Variants in PDYN observed in about 807,000 individuals in gnomAD.
PDYN encodes the protein prodynorphin.
PDYN carries 5 observed loss-of-function variants against 11.4 expected under a neutral mutation model. The observed-to-expected ratio is 0.44, with a 90% confidence interval of 0.23 to 0.92. PDYN has a LOEUF of 0.92. Among genes scored for constraint, PDYN ranks in the 40% least tolerant of loss-of-function variants. The probability of loss-of-function intolerance (pLI) is 0.24; values close to 1 mark genes in which losing one functional copy is unlikely to be tolerated. For synonymous variants in PDYN, 132 were observed against 129.5 expected (o/e 1.02, Z -0.13); for missense variants, 337 against 317.3 (o/e 1.06, Z -0.47).
chr20:1,993,417 C>T (rs149232380), intron 1 of PDYN, among the ~76,000 whole-genome samples: 13 of 152,268 alleles, frequency 8.5e-5, no homozygotes, highest in African/African-American at 2.2e-4. Flanking sequence ...ATGAAAAGGC[C>T]GAACCTGGCC....
chr20:1,985,841 C>A (rs1051233470), intron 2 of PDYN, among the ~76,000 whole-genome samples: 2 of 152,258 alleles, frequency 1.3e-5, no homozygotes, highest in African/African-American at 2.4e-5. Flanking sequence ...ACAAAGCGGG[C>A]AGCTCATGTT....
chr20:1,984,154 C>G (rs1156461271), intron 2 of PDYN, among the ~76,000 whole-genome samples: 2 of 152,190 alleles, frequency 1.3e-5, no homozygotes, highest in Non-Finnish European at 2.9e-5. Flanking sequence ...CACGTCTTGT[C>G]TTTTTCTCTG....
chr20:1,984,052 C>T (rs180823623), intron 2 of PDYN, among the ~76,000 whole-genome samples: 96 of 152,306 alleles, frequency 6.3e-4, no homozygotes, highest in African/African-American at 2.3e-3. Flanking sequence ...GTGAGCTGCT[C>T]CTCCTTTCTA....
intron 2 of PDYN, among the ~76,000 whole-genome samples, chr20:1,988,140 T>C (rs1398146980): frequency 6.6e-6 from 1 of 152,200 alleles, no homozygotes; most frequent in Non-Finnish European, 1.5e-5. Context: ...ATTACTGCTT[T>C]GTACATATTA....
rs749158700 is a variant in PDYN at position 1,980,314 on chromosome 20, A to G, written c.*9T>C. 6.2e-7 allele frequency: 1 copy of G among 1,613,914 alleles called. No homozygotes were observed. Among genetic ancestry groups the G allele is most frequent in the African/African-American group, 1.3e-5 (1 of 74,898 alleles). ...GTTTCTCCTGACTCTACTCCATGAA[A>G]AGAGGTGCTTATGCATCAAAAAGCT... On this transcript the variant is annotated 3_prime_UTR_variant, in exon 4 of 4. Coordinates refer to ENST00000217305, the MANE Select transcript of PDYN (RefSeq NM_024411.5).
Position 1,980,049 on chromosome 20 carries a change from T to TGCTGCTGCTGCC in PDYN, c.*262_*273dup. On this transcript the variant is annotated 3_prime_UTR_variant, in exon 4 of 4. Transcript: ENST00000217305. The stretch of plus-strand genomic sequence containing the variant: ...AGGACAGATCACAAACTGCTGCTGC[T>TGCTGCTGCTGCC]GCTGCTGCTGCCGCTGCTGATAGTT... The TGCTGCTGCTGCC allele has an allele frequency of 2.0e-6, 1 of 510,364 alleles. No homozygotes were observed. The highest frequency in any genetic ancestry group is 2.0e-5 in the South Asian group (1 of 50,404). The allele number at this position is 510,364 out of a possible 1,614,324, so 31.6% of individuals were successfully genotyped here.
At chr20:1,989,941 G>C (rs1431947703) in intron 2 of PDYN, among the ~76,000 whole-genome samples, 1 of 152,136 alleles carries the variant, frequency 6.6e-6, no homozygotes, top group Non-Finnish European at 1.5e-5. Context: ...TACGGGGCAG[G>C]GGCTAATATT....
intron 2 of PDYN, 61 bp from the exon 3 acceptor site, chr20:1,983,164 T>C: frequency 7.0e-7 from 1 of 1,437,760 alleles, no homozygotes; most frequent in Non-Finnish European, 9.5e-7. Context: ...GACTGTGTTC[T>C]GAGCCCACAA....
At chr20:1,991,572 G>A (rs1027575216) in intron 2 of PDYN, among the ~76,000 whole-genome samples, 2 of 152,230 alleles carry the variant, frequency 1.3e-5, no homozygotes, top group African/African-American at 2.4e-5. Context: ...GCCTACCACA[G>A]TGGCCAGCTC....
In PDYN at chr20:1,978,838, A is replaced by C. The variant is rs902750083; in HGVS notation, c.*1485T>G. The C allele has an allele frequency of 1.3e-5, 2 of 152,242 alleles. No homozygotes were observed. Among genetic ancestry groups the C allele is most frequent in the African/African-American group, 4.8e-5 (2 of 41,456 alleles). The allele number at this position is 152,242 out of a possible 1,614,324, so 9.4% of individuals were successfully genotyped here. On this transcript the variant is annotated 3_prime_UTR_variant, in exon 4 of 4. Transcript: ENST00000217305. The stretch of plus-strand genomic sequence containing the variant: ...ATTAAAGGCTAAGCAAATTCCAAGT[A>C]AATTGCATAAATGGGATTTTTTTAA...
At chr20:1,987,183 T>C (rs571123800) in intron 2 of PDYN, among the ~76,000 whole-genome samples, 52 of 152,122 alleles carry the variant, frequency 3.4e-4, no homozygotes, top group African/African-American at 1.0e-3. Flanking sequence ...CCGGCTCTCA[T>C]AGGCCAAGGG....
chr20:1,984,580 A>C (rs978335603), intron 2 of PDYN, among the ~76,000 whole-genome samples: 1 of 152,212 alleles, frequency 6.6e-6, no homozygotes, highest in African/African-American at 2.4e-5. Context: ...CAGATGAATT[A>C]ATGCTTCATA....
At chr20:1,989,108 GT>G (rs1568544560) in intron 2 of PDYN, among the ~76,000 whole-genome samples, 1 of 152,192 alleles carries the variant, frequency 6.6e-6, no homozygotes, top group African/African-American at 2.4e-5. Context: ...GATTCTAATA[GT>G]TTTTAAGCTA....
chr20:1,980,024 A>G lies in PDYN; in HGVS notation c.*299T>C, dbSNP rs1484228441. 3 of 466,708 alleles carry G rather than the reference A, an allele frequency of 6.4e-6. No homozygotes were observed. The highest frequency in any genetic ancestry group is 4.1e-5 in the South Asian group (2 of 48,974). The allele number at this position is 466,708 out of a possible 1,614,324, so 28.9% of individuals were successfully genotyped here. The stretch of plus-strand genomic sequence containing the variant: ...TGAGGAGTCACGTGAACAGGTTGGA[A>G]GGACAGATCACAAACTGCTGCTGCT... On this transcript the variant is annotated 3_prime_UTR_variant, in exon 4 of 4. Coordinates refer to ENST00000217305, the MANE Select transcript of PDYN (RefSeq NM_024411.5).
chr20:1,980,748 T>C lies in PDYN; in HGVS notation c.340A>G (p.Ser114Gly). 1 of 1,614,190 alleles carries C rather than the reference T, an allele frequency of 6.2e-7. No individual in the cohort carries two copies. The highest frequency in any genetic ancestry group is 8.5e-7 in the Non-Finnish European group (1 of 1,180,036). ...AGAGTGTTCTCCTTTGTTGAGATAC[T>C]TGGGAGAAACTTGCTTTTCTCCAGC... ...KELEKSKFLP[S>G]ISTKENTLSK... is the part of the protein sequence containing the mutation. Residue 114 changes from serine (S) to glycine (G), a missense_variant, in exon 4 of 4, where the codon AGT (serine) becomes GGT (glycine). By Grantham distance (56) the Ser-to-Gly change is moderately conservative (BLOSUM62 0). Coordinates refer to ENST00000217305, the MANE Select transcript of PDYN (RefSeq NM_024411.5).
chr20:1,992,864 G>C (rs1176581131), intron 1 of PDYN, among the ~76,000 whole-genome samples: 1 of 152,158 alleles, frequency 6.6e-6, no homozygotes, highest in African/African-American at 2.4e-5. Flanking sequence ...GAAGAAAGAT[G>C]ATAATGAAGA....
chr20:1,982,784 C>G lies in PDYN; in HGVS notation c.129+172G>C, dbSNP rs185606430. 2.4e-4 allele frequency among the ~76,000 whole-genome samples: 37 copies of G among 152,318 alleles called. No individual in the cohort carries two copies. The East Asian group carries it at 6.8e-3, about 28-fold the overall frequency. Reference sequence around the variant, plus strand: ...GATGGCGAGGTCTGGAGTGGGGACACAGCAGCCCCTGGTGTCCAGGCCATC... The same window carrying G: ...GATGGCGAGGTCTGGAGTGGGGACAGAGCAGCCCCTGGTGTCCAGGCCATC... On this transcript the variant is annotated intron_variant, in intron 3 of 3. Transcript: ENST00000217305.
rs556898549 is a variant in PDYN, at chr20:1,979,018, C to T, written c.*1305G>A. The T allele has an allele frequency of 3.9e-5, 6 of 152,258 alleles. No homozygotes were observed. In the East Asian group the frequency reaches 1.2e-3, roughly 29 times the overall value. The allele number at this position is 152,258 out of a possible 1,614,324, so 9.4% of individuals were successfully genotyped here. A position where few individuals can be genotyped will look rare whatever the true frequency, so the allele number is the denominator to read the frequency against. Reference sequence around the variant, plus strand: ...TATCCAGCCTCATCTCCTGGACCCACAAACCAAAAGAGAGTGCCTGGGAAT... The same window carrying T: ...TATCCAGCCTCATCTCCTGGACCCATAAACCAAAAGAGAGTGCCTGGGAAT... On this transcript the variant is annotated 3_prime_UTR_variant, in exon 4 of 4. Coordinates refer to ENST00000217305, the MANE Select transcript of PDYN (RefSeq NM_024411.5).
In PDYN at chr20:1,980,451, G is replaced by A. The variant is rs150455107; in HGVS notation, c.637C>T (p.Arg213Cys). Residue 213 changes from arginine to cysteine, a missense_variant, in exon 4 of 4, where the codon CGC becomes TGC. Arg to Cys is a radical substitution (Grantham distance 180). Coordinates refer to ENST00000217305, the MANE Select transcript of PDYN (RefSeq NM_024411.5). Reference protein sequence around the residue: ...LYKRYGGFLRRIRPKLKWDNQ... With the variant: ...LYKRYGGFLRCIRPKLKWDNQ... The stretch of plus-strand genomic sequence containing the variant: ...TCCCACTTGAGCTTGGGACGAATGC[G>A]CCGCAAGAAGCCCCCATAGCGTTTG... The A allele has an allele frequency of 2.9e-5, 47 of 1,614,136 alleles. No individual in the cohort carries two copies. The highest frequency in any genetic ancestry group is 4.5e-5 in the East Asian group (2 of 44,860).
Sources: allele counts gnomAD v4.1 joint callset (sites outside exome capture counted in the v4.1 genomes callset), GRCh38; gene constraint gnomAD v4.1.1; transcripts MANE v1.5; gene names NCBI Gene and HGNC (gene_info 2026-07-23, HGNC 2026-07-21).